The following CAMK1D variants were observed in gnomAD, a reference collection of about 807,000 sequenced individuals.
CAMK1D encodes calcium/calmodulin-dependent protein kinase type 1D.
CAMK1D carries 9 observed loss-of-function variants against 47.7 expected under a neutral mutation model. The observed-to-expected ratio is 0.19, with a 90% confidence interval of 0.11 to 0.33. The LOEUF (loss-of-function observed/expected upper bound fraction) is 0.33, where lower values mean the gene tolerates loss of function less well. Ranked by LOEUF, CAMK1D falls within the 10% of genes least tolerant of loss-of-function variation. The pLI, the probability that CAMK1D is intolerant of heterozygous loss-of-function variation, is 1.00. For synonymous variants in CAMK1D, 184 were observed against 184.9 expected (o/e 0.99, Z 0.04); for missense variants, 291 against 488.7 (o/e 0.60, Z 3.81).
intron 1 of CAMK1D, among the ~76,000 whole-genome samples, chr10:12,458,677 C>G (rs1335555235): frequency 6.6e-6 from 1 of 152,194 alleles, no homozygotes; most frequent in Non-Finnish European, 1.5e-5. Flanking sequence ...AAGCGATCCT[C>G]CTGCCTCAGC....
chr10:12,785,848 G>A (rs1049233340), intron 5 of CAMK1D, among the ~76,000 whole-genome samples: 1 of 152,206 alleles, frequency 6.6e-6, no homozygotes, highest in Non-Finnish European at 1.5e-5. Context: ...TGGGTTGGGG[G>A]CTATGCTAGA....
intron 2 of CAMK1D, among the ~76,000 whole-genome samples, chr10:12,634,494 G>A (rs55984150): frequency 0.073 from 11,053 of 152,170 alleles, 1,019 homozygotes; most frequent in African/African-American, 0.21. Flanking sequence ...GACAGAGCGC[G>A]GGGTGGGAGG....
intron 3 of CAMK1D, among the ~76,000 whole-genome samples, chr10:12,742,889 C>T (rs967006396): frequency 2.6e-5 from 4 of 152,138 alleles, no homozygotes; most frequent in Non-Finnish European, 4.4e-5. Flanking sequence ...GGAGAGCCCG[C>T]GTCAGAGACG....
intron 2 of CAMK1D, among the ~76,000 whole-genome samples, chr10:12,562,865 A>G (rs1564413831): frequency 1.3e-5 from 2 of 152,214 alleles, no homozygotes; most frequent in Admixed American, 1.3e-4. Flanking sequence ...GAACTCAGGT[A>G]AAATTAAGGA....
chr10:12,478,224 G>A (rs1462433203), intron 1 of CAMK1D, among the ~76,000 whole-genome samples: 1 of 151,824 alleles, frequency 6.6e-6, no homozygotes, highest in East Asian at 1.9e-4. Flanking sequence ...TAGCCAGGAT[G>A]GTCTCGATCT....
rs1833392742 is a variant in CAMK1D at position 12,460,544 on chromosome 10, T to G, written c.93-92681T>G. ...TCCTCCTGGGTTCAAGCAATTCTCC[T>G]GCCTCAGCCTCCTGAGTAGCTGGGA... On this transcript the variant is annotated intron_variant, in intron 1 of 10. Coordinates refer to ENST00000619168, the MANE Select transcript of CAMK1D (RefSeq NM_153498.4). Among the ~76,000 whole-genome samples the G allele has an allele frequency of 2.0e-5, 3 of 152,182 alleles. No individual in the cohort carries two copies. The South Asian group carries it at 6.2e-4, about 32-fold the overall frequency.
At chr10:12,526,814 A>C (rs1160625791) in intron 1 of CAMK1D, among the ~76,000 whole-genome samples, 1 of 151,036 alleles carries the variant, frequency 6.6e-6, no homozygotes, top group African/African-American at 2.4e-5. Context: ...GCTACTTGGC[A>C]GGCTGAGGCA....
intron 2 of CAMK1D, among the ~76,000 whole-genome samples, chr10:12,595,632 C>T (rs1222859392): frequency 6.6e-6 from 1 of 151,824 alleles, no homozygotes; most frequent in Non-Finnish European, 1.5e-5. Flanking sequence ...GTCTTCTGTC[C>T]ATAGCCCGTT....
At chr10:12,468,730 T>G (rs1426205382) in intron 1 of CAMK1D, among the ~76,000 whole-genome samples, 1 of 152,148 alleles carries the variant, frequency 6.6e-6, no homozygotes, top group African/African-American at 2.4e-5. Flanking sequence ...TGGAGTAGTT[T>G]AGGCTTGTCA....
At chr10:12,765,249 C>T (rs1458144320) in intron 4 of CAMK1D, among the ~76,000 whole-genome samples, 1 of 152,166 alleles carries the variant, frequency 6.6e-6, no homozygotes, top group Non-Finnish European at 1.5e-5. Flanking sequence ...TCTTTAGTTT[C>T]TATTAAAGAA....
At chr10:12,638,545 C>T (rs150106882) in intron 2 of CAMK1D, among the ~76,000 whole-genome samples, 34 of 152,278 alleles carry the variant, frequency 2.2e-4, no homozygotes, top group Admixed American at 1.4e-3. Context: ...CCTCTCCATC[C>T]GGAAGCCTTC....
chr10:12,787,316 G>GA (rs1440646498), intron 5 of CAMK1D, among the ~76,000 whole-genome samples: 1 of 152,090 alleles, frequency 6.6e-6, no homozygotes, highest in Non-Finnish European at 1.5e-5. Flanking sequence ...TGGATTTCTA[G>GA]AAAAAACCAT....
intron 1 of CAMK1D, among the ~76,000 whole-genome samples, chr10:12,528,673 G>A (rs115557192): frequency 6.8e-4 from 103 of 151,986 alleles, no homozygotes; most frequent in African/African-American, 2.4e-3. Context: ...AAAATGATTT[G>A]TGAGTGTCAG....
At chr10:12,601,865 G>T (rs753584605) in intron 2 of CAMK1D, among the ~76,000 whole-genome samples, 3 of 152,240 alleles carry the variant, frequency 2.0e-5, no homozygotes, top group Non-Finnish European at 4.4e-5. Context: ...GCTCGTTTCA[G>T]CTCAGCTGGT....
At chr10:12,475,004 A>G (rs1252722386) in intron 1 of CAMK1D, among the ~76,000 whole-genome samples, 1 of 151,926 alleles carries the variant, frequency 6.6e-6, no homozygotes, top group Non-Finnish European at 1.5e-5. Context: ...TCTGCCATTG[A>G]TGGGCATTTA....
At chr10:12,595,342 G>GGAAA (rs1554794318) in intron 2 of CAMK1D, among the ~76,000 whole-genome samples, 1 of 23,554 alleles carries the variant, frequency 4.2e-5, no homozygotes, top group Non-Finnish European at 7.0e-5. Context: ...AACTCCATCT[G>GGAAA]AAAAAAAAAA....
intron 2 of CAMK1D, among the ~76,000 whole-genome samples, chr10:12,591,380 G>A (rs150047133): frequency 6.3e-4 from 96 of 152,260 alleles, no homozygotes; most frequent in African/African-American, 2.2e-3. Flanking sequence ...TCCCGTAACC[G>A]ATCACCCGGA....
intron 3 of CAMK1D, among the ~76,000 whole-genome samples, chr10:12,751,957 A>G (rs1280151411): frequency 1.3e-5 from 2 of 151,968 alleles, no homozygotes; most frequent in East Asian, 3.9e-4. Context: ...GCTCTTTCAA[A>G]GGCATTGTTG....
chr10:12,418,142 C>T (rs564534234), intron 1 of CAMK1D, among the ~76,000 whole-genome samples: 1 of 152,300 alleles, frequency 6.6e-6, no homozygotes, highest in East Asian at 1.9e-4. Context: ...CCAGATGATG[C>T]AGTAAGCAAG....
Sources: allele counts gnomAD v4.1 joint callset (sites outside exome capture counted in the v4.1 genomes callset), GRCh38; gene constraint gnomAD v4.1.1; transcripts MANE v1.5; gene names NCBI Gene and HGNC (gene_info 2026-07-23, HGNC 2026-07-21).